Variants in PLEKHA5 observed in about 807,000 individuals in gnomAD.
PLEKHA5 encodes pleckstrin homology domain containing A5, also known as pleckstrin homology domain-containing family A member 5.
A neutral mutation model predicts 181.9 loss-of-function variants in PLEKHA5; 55 were observed. The observed-to-expected ratio is 0.30, with a 90% CI of 0.24 to 0.38. The LOEUF (loss-of-function observed/expected upper bound fraction) is 0.38, where lower values mean the gene tolerates loss of function less well. Among genes scored for constraint, PLEKHA5 ranks in the 10% least tolerant of loss-of-function variants. The pLI, the probability that PLEKHA5 is intolerant of heterozygous loss-of-function variation, is 1.00. For synonymous variants in PLEKHA5, 535 were observed against 529.4 expected, an observed-to-expected ratio of 1.01 and a Z score of -0.15; for missense variants, 1,432 against 1,549.5, an observed-to-expected ratio of 0.92 and a Z score of 1.27.
chr12:19,357,571 G>A (rs1276529099), intron 26 of PLEKHA5, among the ~76,000 whole-genome samples: 1 of 152,048 alleles, frequency 6.6e-6, no homozygotes, highest in Non-Finnish European at 1.5e-5. Context: ...TGGTGGTGGT[G>A]ATGGTGTTTT....
intron 28 of PLEKHA5, 21 bp from the exon 29 acceptor site, chr12:19,361,561 A>G: frequency 8.1e-7 from 1 of 1,237,604 alleles, no homozygotes; most frequent in Non-Finnish European, 1.1e-6. Context: ...TGAAAAGAAA[A>G]TTTTTCTTTT....
rs762522266 is a variant in PLEKHA5, at chr12:19,129,767, G to A, written c.-33G>A. ...TCCCTCGGCAGCCGCGGCGGCAGCA[G>A]GAGAAGGCGGCGGCGGCGGCTAGGG... is the stretch of plus-strand genomic sequence containing the variant. On this transcript the variant is annotated 5_prime_UTR_variant, in exon 1 of 32. Coordinates refer to ENST00000429027, the MANE Select transcript of PLEKHA5 (RefSeq NM_001256470.2). The A allele has an allele frequency of 3.9e-6, 6 of 1,534,080 alleles. No homozygotes were observed. The East Asian group carries it at 7.3e-5, about 19-fold the overall frequency.
At chr12:19,234,957 G>A (rs765047529) in intron 3 of PLEKHA5, among the ~76,000 whole-genome samples, 15 of 151,960 alleles carry the variant, frequency 9.9e-5, no homozygotes, top group Non-Finnish European at 2.2e-4. Context: ...GGGGGCTGTC[G>A]TTGGCTTTTA....
At chr12:19,268,914 T>G (rs1403717673) in intron 8 of PLEKHA5, among the ~76,000 whole-genome samples, 1 of 152,186 alleles carries the variant, frequency 6.6e-6, no homozygotes, top group Non-Finnish European at 1.5e-5. Flanking sequence ...TTCGGATCAT[T>G]TATAAATCTT....
intron 3 of PLEKHA5, among the ~76,000 whole-genome samples, chr12:19,202,634 GCCAATTGTGAACCCTAACAAACT>G (rs533519623): frequency 1.7e-3 from 255 of 152,082 alleles, no homozygotes; most frequent in African/African-American, 5.8e-3. Context: ...ATGTACAAAC[GCCAATTGTGAACCCTAACAAACT>G]CCAATTGTGA....
intron 3 of PLEKHA5, among the ~76,000 whole-genome samples, chr12:19,215,219 C>T (rs2057728423): frequency 6.6e-6 from 1 of 151,994 alleles, no homozygotes; most frequent in African/African-American, 2.4e-5. Flanking sequence ...TTACTAAAAA[C>T]TATTTCTTCT....
At chr12:19,193,541 A>G (rs555210749) in intron 3 of PLEKHA5, among the ~76,000 whole-genome samples, 2 of 151,996 alleles carry the variant, frequency 1.3e-5, no homozygotes, top group Admixed American at 6.6e-5. Flanking sequence ...GTTTTACTAC[A>G]TTGATATATA....
At position 19,163,864 on chromosome 12, in the gene PLEKHA5, T is replaced by C. The variant is rs945330367; in HGVS notation, c.227+31414T>C. Among the ~76,000 whole-genome samples, 3 of 152,166 alleles carry C rather than the reference T, an allele frequency of 2.0e-5. No individual in the cohort carries two copies. The East Asian group carries it at 5.8e-4, about 29-fold the overall frequency. On this transcript the variant is annotated intron_variant, in intron 3 of 31. Transcript: ENST00000429027. Reference sequence around the variant, plus strand: ...ACACAACCACACCCTTCTCTCTCAATAGAGAAAAGTTGGCTGACAAGAATG... The same window carrying C: ...ACACAACCACACCCTTCTCTCTCAACAGAGAAAAGTTGGCTGACAAGAATG...
At chr12:19,340,555 T>G (rs1256550168) in intron 21 of PLEKHA5, among the ~76,000 whole-genome samples, 2 of 149,390 alleles carry the variant, frequency 1.3e-5, no homozygotes, top group Admixed American at 6.7e-5. Context: ...ATGGTTGCCG[T>G]GTCTGTGTAG....
intron 29 of PLEKHA5, among the ~76,000 whole-genome samples, chr12:19,364,216 A>G (rs1592647407): frequency 6.6e-6 from 1 of 152,070 alleles, no homozygotes; most frequent in Non-Finnish European, 1.5e-5. Flanking sequence ...TCAGAGTATC[A>G]TTGTTTTGTG....
intron 3 of PLEKHA5, among the ~76,000 whole-genome samples, chr12:19,240,428 A>G (rs556077300): frequency 6.8e-6 from 1 of 146,934 alleles, no homozygotes; most frequent in South Asian, 2.1e-4. Flanking sequence ...ACAAATTAGC[A>G]TTCATTAGGG....
At chr12:19,139,000 A>G (rs2036513434) in intron 3 of PLEKHA5, among the ~76,000 whole-genome samples, 1 of 152,176 alleles carries the variant, frequency 6.6e-6, no homozygotes, top group South Asian at 2.1e-4. Context: ...TACAGGCAGC[A>G]TGGATTGGAC....
chr12:19,211,611 A>G (rs1160060611), intron 3 of PLEKHA5, among the ~76,000 whole-genome samples: 1 of 152,204 alleles, frequency 6.6e-6, no homozygotes, highest in African/African-American at 2.4e-5. Context: ...GAAAGAAAAT[A>G]AATTTCTATT....
chr12:19,325,425 C>T (rs1179190962), intron 20 of PLEKHA5, among the ~76,000 whole-genome samples: 5 of 152,100 alleles, frequency 3.3e-5, no homozygotes, highest in East Asian at 1.9e-4. Flanking sequence ...CATGGTGGCT[C>T]ACGCCTGTAA....
At chr12:19,213,499 T>C (rs2057367416) in intron 3 of PLEKHA5, among the ~76,000 whole-genome samples, 1 of 152,144 alleles carries the variant, frequency 6.6e-6, no homozygotes, top group East Asian at 1.9e-4. Context: ...TTGTATGCCA[T>C]GCTAAGGAGC....
intron 15 of PLEKHA5, among the ~76,000 whole-genome samples, chr12:19,312,567 C>CAGCTAAGCTT (rs2086941926): frequency 6.6e-6 from 1 of 152,202 alleles, no homozygotes. Flanking sequence ...ACCAAACTGC[C>CAGCTAAGCTT]AGCTTCCAAG....
At chr12:19,266,549 C>T (rs186073649) in intron 8 of PLEKHA5, among the ~76,000 whole-genome samples, 152 of 151,952 alleles carry the variant, frequency 1.0e-3, no homozygotes, top group African/African-American at 3.3e-3. Context: ...TTCAGGAGGC[C>T]GAGTTGGACA....
chr12:19,277,071 A>T (rs146110440), intron 11 of PLEKHA5, among the ~76,000 whole-genome samples: 85 of 152,332 alleles, frequency 5.6e-4, no homozygotes, highest in African/African-American at 1.9e-3. Flanking sequence ...GGAATGACAG[A>T]CATGAATAAG....
At chr12:19,240,984 C>T (rs961734172) in intron 3 of PLEKHA5, among the ~76,000 whole-genome samples, 1 of 152,044 alleles carries the variant, frequency 6.6e-6, no homozygotes, top group African/African-American at 2.4e-5. Flanking sequence ...TTTATAAGTG[C>T]TTTTTCCATA....
Sources: allele counts gnomAD v4.1 joint callset (sites outside exome capture counted in the v4.1 genomes callset), GRCh38; gene constraint gnomAD v4.1.1; transcripts MANE v1.5; gene names NCBI Gene and HGNC (gene_info 2026-07-23, HGNC 2026-07-21).